The following SLC24A3 variants were observed in gnomAD, a reference collection of about 807,000 sequenced individuals.
SLC24A3 encodes the protein sodium/potassium/calcium exchanger 3.
Under a neutral mutation model 75.8 loss-of-function variants are expected in SLC24A3, and 28 were observed. The ratio of observed to expected loss-of-function variants is 0.37; its 90% confidence interval spans 0.27 to 0.51. SLC24A3 has a LOEUF of 0.51. Among genes scored for constraint, SLC24A3 ranks in the 20% least tolerant of loss-of-function variants. The pLI is 0.94. For synonymous variants in SLC24A3, 372 were observed against 334.1 expected, an observed-to-expected ratio of 1.11 and a Z score of -1.24; for missense variants, 663 against 847.8, an observed-to-expected ratio of 0.78 and a Z score of 2.71.
intron 6 of SLC24A3, among the ~76,000 whole-genome samples, chr20:19,614,223 C>T (rs144594530): frequency 6.6e-6 from 1 of 152,186 alleles, no homozygotes; most frequent in African/African-American, 2.4e-5. Flanking sequence ...TAATTAAATT[C>T]TCTGTGCCTC....
chr20:19,701,337 C>G (rs540813965), intron 15 of SLC24A3, among the ~76,000 whole-genome samples: 290 of 135,580 alleles, frequency 2.1e-3, no homozygotes, highest in African/African-American at 7.8e-3. Context: ...AATTTGGTGC[C>G]CCCCGAAACA....
At chr20:19,480,079 C>CT (rs1350395777) in intron 2 of SLC24A3, among the ~76,000 whole-genome samples, 1 of 152,176 alleles carries the variant, frequency 6.6e-6, no homozygotes, top group East Asian at 1.9e-4. Context: ...GCTGGCCTGG[C>CT]TAAGAAAGCA....
intron 2 of SLC24A3, among the ~76,000 whole-genome samples, chr20:19,316,662 T>C (rs2122269548): frequency 6.6e-6 from 1 of 152,332 alleles, no homozygotes; most frequent in South Asian, 2.1e-4. Context: ...CAGGCCAGGT[T>C]GGCCCTAGGG....
intron 1 of SLC24A3, among the ~76,000 whole-genome samples, chr20:19,263,207 A>G (rs1258734820): frequency 6.6e-6 from 1 of 152,150 alleles, no homozygotes; most frequent in Non-Finnish European, 1.5e-5. Context: ...AGGGTAGCTC[A>G]CAGCATTGAG....
At chr20:19,480,004 A>G (rs1472918331) in intron 2 of SLC24A3, among the ~76,000 whole-genome samples, 1 of 152,168 alleles carries the variant, frequency 6.6e-6, no homozygotes, top group Non-Finnish European at 1.5e-5. Flanking sequence ...ATCAAAAGGG[A>G]CTGTTGTGAT....
At chr20:19,418,804 T>C (rs531061360) in intron 2 of SLC24A3, among the ~76,000 whole-genome samples, 2 of 152,058 alleles carry the variant, frequency 1.3e-5, no homozygotes, top group South Asian at 2.1e-4. Context: ...TCAAACCAAA[T>C]AGCAAAACAG....
Position 19,684,217 on chromosome 20 carries a change from C to G in SLC24A3, c.943C>G (p.Leu315Val). The G allele has an allele frequency of 6.2e-7, 1 of 1,614,182 alleles. No homozygotes were observed. The highest frequency in any genetic ancestry group is 8.5e-7 in the Non-Finnish European group (1 of 1,180,032). ...AGCATCAGTGATCATGGTAGACGAGCTGCTGTCAGCCTACCCACACCAGCT... is the reference window on the plus strand; with the variant it reads ...AGCATCAGTGATCATGGTAGACGAGGTGCTGTCAGCCTACCCACACCAGCT... ...RKASVIMVDE[L>V]LSAYPHQLSF... The change falls in exon 11 of 17, where the codon CTG becomes GTG. Residue 315 changes from leucine (L) to valine (V), a missense_variant. Leu to Val is a conservative substitution (Grantham distance 32). This residue lies in a region of SLC24A3 where 510 missense variants were observed against 703.6 expected (regional missense o/e 0.72). Coordinates refer to ENST00000328041, the MANE Select transcript of SLC24A3 (RefSeq NM_020689.4).
intron 2 of SLC24A3, among the ~76,000 whole-genome samples, chr20:19,315,433 G>A (rs1984564296): frequency 6.6e-6 from 1 of 152,186 alleles, no homozygotes; most frequent in African/African-American, 2.4e-5. Flanking sequence ...AAATAGGAAT[G>A]GAATGGAGTG....
At chr20:19,227,655 A>G (rs1407293867) in intron 1 of SLC24A3, among the ~76,000 whole-genome samples, 1 of 151,856 alleles carries the variant, frequency 6.6e-6, no homozygotes, top group Admixed American at 6.6e-5. Context: ...TGTTTCCTCT[A>G]CCTCCACATT....
At chr20:19,539,629 T>C (rs55893874) in intron 3 of SLC24A3, among the ~76,000 whole-genome samples, 46,973 of 152,022 alleles carry the variant, frequency 0.31, 8,408 homozygotes, top group Admixed American at 0.39. Context: ...ACACCTTTCC[T>C]CCCCATCATA....
intron 2 of SLC24A3, among the ~76,000 whole-genome samples, chr20:19,426,812 A>G (rs1165649694): frequency 1.3e-5 from 2 of 152,172 alleles, no homozygotes; most frequent in Non-Finnish European, 2.9e-5. Context: ...GCGGCCATCC[A>G]GGTGGGTGAT....
chr20:19,549,040 G>A (rs1184360278), intron 3 of SLC24A3, among the ~76,000 whole-genome samples: 1 of 152,184 alleles, frequency 6.6e-6, no homozygotes, highest in African/African-American at 2.4e-5. Context: ...AGATCTTTCT[G>A]AGCCTTAACG....
chr20:19,298,637 A>T (rs1984118141), intron 2 of SLC24A3, among the ~76,000 whole-genome samples: 1 of 152,234 alleles, frequency 6.6e-6, no homozygotes. Flanking sequence ...AAGAAAAAAA[A>T]ATAGAAGGAA....
At chr20:19,285,432 C>T (rs1173911031) in intron 2 of SLC24A3, among the ~76,000 whole-genome samples, 4 of 135,046 alleles carry the variant, frequency 3.0e-5, no homozygotes, top group African/African-American at 8.4e-5. Context: ...GAGCTGAGAT[C>T]ACTCCACTGC....
At chr20:19,676,356 C>G (rs1343976175) in intron 9 of SLC24A3, among the ~76,000 whole-genome samples, 1 of 152,150 alleles carries the variant, frequency 6.6e-6, no homozygotes, top group Non-Finnish European at 1.5e-5. Flanking sequence ...TACCAACATT[C>G]CAGCTGTTCA....
chr20:19,479,812 C>T (rs1209712879), intron 2 of SLC24A3, among the ~76,000 whole-genome samples: 1 of 152,168 alleles, frequency 6.6e-6, no homozygotes, highest in South Asian at 2.1e-4. Context: ...AGGAAAGGAC[C>T]TCGACACTTG....
chr20:19,301,133 C>T (rs1158376732), intron 2 of SLC24A3, among the ~76,000 whole-genome samples: 4 of 152,232 alleles, frequency 2.6e-5, no homozygotes, highest in African/African-American at 4.8e-5. Context: ...TGCCCAATCA[C>T]AGGCCTTTCC....
At chr20:19,490,257 G>T (rs1191964280) in intron 2 of SLC24A3, among the ~76,000 whole-genome samples, 4 of 152,124 alleles carry the variant, frequency 2.6e-5, no homozygotes. Flanking sequence ...ACAGCCCATG[G>T]CCCCTAGGGA....
intron 6 of SLC24A3, among the ~76,000 whole-genome samples, chr20:19,627,903 A>AG (rs1462498152): frequency 7.9e-5 from 12 of 152,188 alleles, no homozygotes; most frequent in Admixed American, 7.2e-4. Context: ...GTCACTGAGA[A>AG]GAAAATACCC....
Sources: gnomAD v4.1 joint callset for allele counts (sites outside exome capture counted in the v4.1 genomes callset) on GRCh38, gnomAD v4.1.1 for gene constraint, gnomAD v4.1.1 regional missense constraint, MANE v1.5 for transcripts, NCBI Gene and HGNC (gene_info 2026-07-23, HGNC 2026-07-21) for gene names.